Variants in PPP1R1C observed in about 807,000 individuals in gnomAD.
The protein encoded by PPP1R1C is protein phosphatase 1 regulatory inhibitor subunit 1C.
Under a neutral mutation model 17.4 loss-of-function variants are expected in PPP1R1C, and 15 were observed. The ratio of observed to expected loss-of-function variants is 0.86; its 90% CI spans 0.58 to 1.33. PPP1R1C has a LOEUF of 1.33. PPP1R1C is among the 40% of genes most tolerant of loss of function. The pLI, the probability that PPP1R1C is intolerant of heterozygous loss-of-function variation, is 0.00. For synonymous variants in PPP1R1C, 35 were observed against 43.1 expected (o/e 0.81, Z 0.73); for missense variants, 143 against 130.0 (o/e 1.10, Z -0.48).
chr2:182,069,596 A>G (rs2125203613), intron 4 of PPP1R1C, among the ~76,000 whole-genome samples: 1 of 152,300 alleles, frequency 6.6e-6, no homozygotes, highest in East Asian at 1.9e-4. Context: ...ATCAAATTGA[A>G]TTGCAAATTT....
chr2:182,107,053 A>G (rs1481036169), intron 4 of PPP1R1C, among the ~76,000 whole-genome samples: 2 of 152,234 alleles, frequency 1.3e-5, no homozygotes, highest in African/African-American at 2.4e-5. Context: ...ATAAAGTCAC[A>G]TTTACAGATA....
intron 2 of PPP1R1C, among the ~76,000 whole-genome samples, chr2:182,038,960 T>C (rs1023978751): frequency 2.6e-5 from 4 of 152,224 alleles, no homozygotes; most frequent in African/African-American, 9.6e-5. Flanking sequence ...CTTAATTCAC[T>C]CCCTTTTATT....
upstream of PPP1R1C, among the ~76,000 whole-genome samples, chr2:181,981,170 C>T (rs891472288): frequency 5.9e-5 from 9 of 152,014 alleles, no homozygotes; most frequent in African/African-American, 1.9e-4. Context: ...CCTCGTGATC[C>T]GCCCGCCTCG....
intron 2 of PPP1R1C, among the ~76,000 whole-genome samples, chr2:181,988,885 A>G (rs1215552727): frequency 6.6e-6 from 1 of 152,190 alleles, no homozygotes; most frequent in African/African-American, 2.4e-5. Flanking sequence ...AAGTAAGCTA[A>G]TTTATTTCTG....
In PPP1R1C at chr2:181,961,832, G is replaced by A. The variant is rs896393769; in HGVS notation, n.111+7198G>A. ...TGTAGGCCTTTTACTTCCTCTTCGT[G>A]GTTCTTCTTCATGAAGAGCAGCTCC... On this transcript the variant is annotated intron_variant and non_coding_transcript_variant, in intron 1 of 5. Coordinates refer to the PPP1R1C transcript ENST00000464264. This position sits in a 1 kb window ranked among gnomAD's most constrained non-coding sequence, Gnocchi z 5.8. 1.1e-5 allele frequency: 11 copies of A among 1,031,212 alleles called. No homozygotes were observed. Among genetic ancestry groups the A allele is most frequent in the African/African-American group, 3.1e-5 (2 of 63,858 alleles). The allele number at this position is 1,031,212 out of a possible 1,614,324, so 63.9% of individuals were successfully genotyped here.
chr2:182,059,172 T>G (rs1414173123), intron 2 of PPP1R1C, among the ~76,000 whole-genome samples: 2 of 152,126 alleles, frequency 1.3e-5, no homozygotes, highest in South Asian at 2.1e-4. Context: ...TATACTTAGA[T>G]GAGTTTTACA....
upstream of PPP1R1C, among the ~76,000 whole-genome samples, chr2:181,982,156 C>T (rs1294297734): frequency 6.6e-6 from 1 of 152,136 alleles, no homozygotes; most frequent in Non-Finnish European, 1.5e-5. Flanking sequence ...CTTTCTTTCC[C>T]TTCTCTTCCC....
chr2:182,057,226 A>G (rs1687711142), intron 2 of PPP1R1C, among the ~76,000 whole-genome samples: 1 of 152,206 alleles, frequency 6.6e-6, no homozygotes, highest in South Asian at 2.1e-4. Flanking sequence ...ATTCTTTTGC[A>G]GGTTGCCTGG....
intron 4 of PPP1R1C, among the ~76,000 whole-genome samples, chr2:182,102,404 A>G (rs183336558): frequency 7.2e-5 from 11 of 152,308 alleles, no homozygotes; most frequent in Admixed American, 2.0e-4. Flanking sequence ...ACAGTGCCGC[A>G]CATTCTCAAT....
intron 4 of PPP1R1C, among the ~76,000 whole-genome samples, chr2:182,085,383 T>TA (rs1688600222): frequency 6.6e-6 from 1 of 152,078 alleles, no homozygotes; most frequent in Non-Finnish European, 1.5e-5. Flanking sequence ...CACTAGTCTC[T>TA]AAAAAAGTAA....
rs111852175 is a variant in PPP1R1C at position 182,030,922 on chromosome 2, G to A, written c.143-30520G>A. On this transcript the variant is annotated intron_variant, in intron 2 of 4. Transcript: ENST00000682840. Reference sequence around the variant, plus strand: ...GCCGGATATAATCTCGTGGTGCGCCGTTTTTTAAGCCGGTCCGAAAAGCAC... The same window carrying A: ...GCCGGATATAATCTCGTGGTGCGCCATTTTTTAAGCCGGTCCGAAAAGCAC... 2.9e-3 allele frequency: 449 copies of A among 156,958 alleles called. 5 individuals are homozygous for A. Among genetic ancestry groups the A allele is most frequent in the African/African-American group, 0.01 (432 of 41,638 alleles). 9.7% of individuals were successfully genotyped at this position (156,958 alleles called of 1,614,324 possible). A position where few individuals can be genotyped will look rare whatever the true frequency, so the allele number is the denominator to read the frequency against.
At chr2:182,003,440 C>T (rs1685829245) in intron 2 of PPP1R1C, among the ~76,000 whole-genome samples, 1 of 152,096 alleles carries the variant, frequency 6.6e-6, no homozygotes, top group Non-Finnish European at 1.5e-5. Context: ...CACCAGTACC[C>T]TATTTTACTA....
Position 181,999,586 on chromosome 2 carries a change from C to G in PPP1R1C, c.142+11687C>G, listed in dbSNP as rs112544843. Among the ~76,000 whole-genome samples, 430 of 152,154 alleles carry G rather than the reference C, an allele frequency of 2.8e-3. 3 individuals carry two copies. Among genetic ancestry groups the G allele is most frequent in the African/African-American group, 0.01 (416 of 41,530 alleles). ...TCATGGAATAAAATATAAGCAAGCT[C>G]CTCTTTGTAGCTTGGCCATGTGAGA... On this transcript the variant is annotated intron_variant, in intron 2 of 4. Coordinates refer to ENST00000682840, the MANE Select transcript of PPP1R1C (RefSeq NM_001080545.3).
upstream of PPP1R1C, among the ~76,000 whole-genome samples, chr2:181,981,363 A>T (rs1233558744): frequency 6.6e-6 from 1 of 152,220 alleles, no homozygotes; most frequent in African/African-American, 2.4e-5. Flanking sequence ...TTTTAATATG[A>T]GATTGCAATA....
chr2:181,991,686 C>G (rs1685478310), intron 2 of PPP1R1C, among the ~76,000 whole-genome samples: 1 of 152,118 alleles, frequency 6.6e-6, no homozygotes, highest in Non-Finnish European at 1.5e-5. Context: ...TTTTCTGGGG[C>G]TACCAACATG....
chr2:181,982,004 G>T (rs1038450997), upstream of PPP1R1C, among the ~76,000 whole-genome samples: 1 of 152,112 alleles, frequency 6.6e-6, no homozygotes, highest in African/African-American at 2.4e-5. Flanking sequence ...CCAACCAATT[G>T]TTAAACAAAG....
chr2:182,126,163 A>G (rs1689867377), intron 5 of PPP1R1C, among the ~76,000 whole-genome samples: 1 of 152,012 alleles, frequency 6.6e-6, no homozygotes, highest in South Asian at 2.1e-4. Context: ...TATATATTGT[A>G]TTTTTTTAAA....
At chr2:182,064,945 T>A (rs529884495) in intron 4 of PPP1R1C, among the ~76,000 whole-genome samples, 1 of 152,126 alleles carries the variant, frequency 6.6e-6, no homozygotes, top group African/African-American at 2.4e-5. Context: ...TATTTTAGGT[T>A]CACTTAAACT....
intron 5 of PPP1R1C, among the ~76,000 whole-genome samples, chr2:182,124,936 TAGGAGTGGTGAG>T (rs1176385454): frequency 6.6e-6 from 1 of 152,156 alleles, no homozygotes; most frequent in Admixed American, 6.5e-5. Flanking sequence ...CTATGTTGAA[TAGGAGTGGTGAG>T]AGGGGGCATC....
Sources: gnomAD v4.1 joint callset for allele counts (sites outside exome capture counted in the v4.1 genomes callset) on GRCh38, gnomAD v4.1.1 for gene constraint, Gnocchi (gnomAD v3.1) non-coding constraint, MANE v1.5 for transcripts, NCBI Gene and HGNC (gene_info 2026-07-23, HGNC 2026-07-21) for gene names.